Variants in ABHD16A observed in about 807,000 individuals in gnomAD.
ABHD16A encodes the protein abhydrolase domain containing 16A, phospholipase.
In ABHD16A, 47 loss-of-function variants were observed where a neutral mutation model predicts 89.8. The observed-to-expected ratio is 0.52, with a 90% CI of 0.41 to 0.67. The LOEUF is 0.67. ABHD16A is among the 30% of genes least tolerant of loss of function. The pLI is 0.00. For synonymous variants in ABHD16A, 251 were observed against 280.4 expected (o/e 0.90, Z 1.05); for missense variants, 580 against 734.6 (o/e 0.79, Z 2.43).
At chr6:31,701,241 T>C in intron 3 of ABHD16A, 33 bp downstream of exon 3, 2 of 1,594,444 alleles carry the variant, frequency 1.3e-6, no homozygotes, top group Non-Finnish European at 1.7e-6. Context: ...ACCTGCCCAT[T>C]TGCTACCCCA....
intron 12 of ABHD16A, 61 bp downstream of exon 12, chr6:31,689,520 C>G: frequency 2.0e-6 from 3 of 1,473,942 alleles, no homozygotes; most frequent in Non-Finnish European, 2.7e-6. Flanking sequence ...CCCACCTCTC[C>G]CGGGTGGGGC....
In ABHD16A at chr6:31,701,389, A is replaced by ACC. The variant is rs202234873; in HGVS notation, c.190-51_190-50dup. 4.4e-6 allele frequency: 5 copies of ACC among 1,134,298 alleles called. No homozygotes were observed. The Admixed American group carries it at 8.4e-5, about 19-fold the overall frequency. 70.3% of individuals were successfully genotyped at this position (1,134,298 alleles called of 1,614,324 possible). ...GCAATCAATACACACACACACACACACCTGCCATTCCAGGCATATACTATA... is the reference window on the plus strand; with the variant it reads ...GCAATCAATACACACACACACACACACCCCTGCCATTCCAGGCATATACTATA... On this transcript the variant is annotated intron_variant, in intron 2 of 19. Coordinates refer to ENST00000395952, the MANE Select transcript of ABHD16A (RefSeq NM_021160.3).
At chr6:31,696,660 G>T (rs1049806916) in intron 5 of ABHD16A, among the ~76,000 whole-genome samples, 2 of 151,720 alleles carry the variant, frequency 1.3e-5, no homozygotes, top group Non-Finnish European at 2.9e-5. Context: ...AAAGAAAAAA[G>T]AAACATTGTG....
chr6:31,694,789 C>T (rs921438565), intron 5 of ABHD16A, among the ~76,000 whole-genome samples: 1 of 152,032 alleles, frequency 6.6e-6, no homozygotes, highest in African/African-American at 2.4e-5. Context: ...AATTTTTTGA[C>T]ATTTCAAAAA....
intron 5 of ABHD16A, among the ~76,000 whole-genome samples, chr6:31,694,115 G>A (rs530287284): frequency 2.0e-5 from 3 of 151,102 alleles, no homozygotes; most frequent in Non-Finnish European, 4.4e-5. Flanking sequence ...AATGCAGTTG[G>A]TGCAATCATA....
chr6:31,692,504 A>G (rs978035805), intron 7 of ABHD16A, among the ~76,000 whole-genome samples: 3 of 152,144 alleles, frequency 2.0e-5, no homozygotes, highest in African/African-American at 7.2e-5. Flanking sequence ...AGTACCCACG[A>G]CTGAGCTTTA....
intron 4 of ABHD16A, among the ~76,000 whole-genome samples, chr6:31,699,883 AC>A (rs1804765081): frequency 6.6e-6 from 1 of 152,050 alleles, no homozygotes; most frequent in African/African-American, 2.4e-5. Context: ...AGCTGGGATT[AC>A]AGGTGCTCAC....
Position 31,698,643 on chromosome 6 carries a change from G to A in ABHD16A, c.344-1610C>T, listed in dbSNP as rs1804619641. On this transcript the variant is annotated intron_variant, in intron 4 of 19. Coordinates refer to ENST00000395952, the MANE Select transcript of ABHD16A (RefSeq NM_021160.3). This position sits in a 1 kb window ranked among gnomAD's most constrained non-coding sequence, Gnocchi z 4.1. ...TGGGATTACAAGCGCCCGCCACCAT[G>A]CACAGCTAATTTTTTCTGTATTTTT... Among the ~76,000 whole-genome samples, 1 of 151,848 alleles carries A rather than the reference G, an allele frequency of 6.6e-6. No homozygotes were observed. The highest frequency in any genetic ancestry group is 2.4e-5 in the African/African-American group (1 of 41,310).
chr6:31,689,001 G>C lies in ABHD16A; in HGVS notation c.1186+14C>G, dbSNP rs1214449502. 5.0e-6 allele frequency: 8 copies of C among 1,606,494 alleles called. No individual in the cohort carries two copies. Among genetic ancestry groups the C allele is most frequent in the Non-Finnish European group, 6.8e-6 (8 of 1,174,456 alleles). ...CCCCTTCCCAGGAAGGGCAGGCCTG[G>C]GAGCTGCACTCACTCCAGCTGTCTG... On this transcript the variant is annotated intron_variant, in intron 13 of 19. Transcript: ENST00000395952.
rs777193146 is a variant in ABHD16A, at chr6:31,687,531, A to G, written c.1560T>C (p.Ser520=). The G allele has an allele frequency of 1.2e-6, 2 of 1,612,900 alleles. No individual in the cohort carries two copies. The highest frequency in any genetic ancestry group is 1.7e-6 in the Non-Finnish European group (2 of 1,179,948). ...AAGCCAGCTGCCGCCGTCCATCTGC[A>G]CTCATGTCCTCCCCTGCAGAGAGGA... ...DFPWSVGEDM[S]ADGRRQLALF... The change falls in exon 19 of 20, where the codon AGT becomes AGC. Residue 520 remains serine (S), a synonymous_variant. Transcript: ENST00000395952. This position sits in a 1 kb window ranked among gnomAD's most constrained non-coding sequence, Gnocchi z 6.3.
rs1804573573 is a variant in ABHD16A, at chr6:31,698,174, A to C, written c.344-1141T>G. ...ATTTTTTAACCCTTGAAAACTCTGA[A>C]ATTAGAATTCATTTTACAATTGATG... On this transcript the variant is annotated intron_variant, in intron 4 of 19. Coordinates refer to ENST00000395952, the MANE Select transcript of ABHD16A (RefSeq NM_021160.3). This position sits in a 1 kb window ranked among gnomAD's most constrained non-coding sequence, Gnocchi z 4.1. 1.3e-5 allele frequency among the ~76,000 whole-genome samples: 2 copies of C among 152,070 alleles called. No individual in the cohort carries two copies. Among genetic ancestry groups the C allele is most frequent in the South Asian group, 4.1e-4 (2 of 4,834 alleles).
At position 31,703,218 on chromosome 6, in the gene ABHD16A, A is replaced by G; in HGVS notation, c.64T>C (p.Ser22Pro). 6.9e-7 allele frequency: 1 copy of G among 1,445,438 alleles called. No homozygotes were observed. Among genetic ancestry groups the G allele is most frequent in the Non-Finnish European group, 9.2e-7 (1 of 1,089,712 alleles). 89.5% of individuals were successfully genotyped at this position (1,445,438 alleles called of 1,614,324 possible). A position where few individuals can be genotyped will look rare whatever the true frequency, so the allele number is the denominator to read the frequency against. ...RLYKIYRERDSERAPASVPET... is the reference protein window; with the variant it reads ...RLYKIYRERDPERAPASVPET... ...GGGACGCTGGCCGGGGCCCTTTCAGAGTCCCTCTCCCGGTAGATTTTGTAG... is the reference window on the plus strand; with the variant it reads ...GGGACGCTGGCCGGGGCCCTTTCAGGGTCCCTCTCCCGGTAGATTTTGTAG... The change falls in exon 1 of 20, where the codon TCT becomes CCT. Residue 22 changes from serine to proline, a missense_variant. Around this residue, in one of 2 missense-constraint regions of ABHD16A, gnomAD observed 165 missense variants for 165.8 expected, o/e 1.00. Coordinates refer to ENST00000395952, the MANE Select transcript of ABHD16A (RefSeq NM_021160.3).
intron 9 of ABHD16A, 23 bp downstream of exon 9, chr6:31,691,556 C>G (rs1434489211): frequency 6.2e-7 from 1 of 1,611,518 alleles, no homozygotes; most frequent in Non-Finnish European, 8.5e-7. Flanking sequence ...CACCCCACCT[C>G]TGGGCTCTCT....
rs1373226837 is a variant in ABHD16A, at chr6:31,690,520, G to A, written c.907+19C>T. On this transcript the variant is annotated intron_variant, in intron 10 of 19. Transcript: ENST00000395952. This position sits in a 1 kb window ranked among gnomAD's most constrained non-coding sequence, Gnocchi z 4.1. ...CCCTTTCAAAGGGCGGAGATAAGGA[G>A]GCTGAGTCACCGTCCTACCTTCCAG... 4.3e-6 allele frequency: 7 copies of A among 1,612,332 alleles called. No homozygotes were observed. Among genetic ancestry groups the A allele is most frequent in the Non-Finnish European group, 5.9e-6 (7 of 1,179,472 alleles).
Position 31,687,369 on chromosome 6 carries a change from C to A in ABHD16A, c.1594-74G>T, listed in dbSNP as rs1289618233. 46 of 1,594,060 alleles carry A rather than the reference C, an allele frequency of 2.9e-5. No individual in the cohort carries two copies. Among genetic ancestry groups the A allele is most frequent in the Non-Finnish European group, 3.8e-5 (44 of 1,163,540 alleles). On this transcript the variant is annotated intron_variant, in intron 19 of 19. Coordinates refer to ENST00000395952, the MANE Select transcript of ABHD16A (RefSeq NM_021160.3). The surrounding 1 kb of genome is among the most constrained non-coding windows in gnomAD (Gnocchi z 6.3). ...GGCAGCCACTGGACTCCCTCCCCAC[C>A]CTCCACTTCCGCATCCACCACCCAC...
Position 31,687,064 on chromosome 6 carries a change from T to A in ABHD16A, c.*148A>T. On this transcript the variant is annotated 3_prime_UTR_variant, in exon 20 of 20. Coordinates refer to ENST00000395952, the MANE Select transcript of ABHD16A (RefSeq NM_021160.3). The surrounding 1 kb of genome is among the most constrained non-coding windows in gnomAD (Gnocchi z 6.3). ...ACAGCCACATGAATGAGGGGAAACGTGCAAGAGGAACAGTGGTGAGAAGGG... is the reference window on the plus strand; with the variant it reads ...ACAGCCACATGAATGAGGGGAAACGAGCAAGAGGAACAGTGGTGAGAAGGG... The A allele has an allele frequency of 1.4e-6, 1 of 722,454 alleles. No individual in the cohort carries two copies. The highest frequency in any genetic ancestry group is 2.3e-6 in the Non-Finnish European group (1 of 430,322). The allele number at this position is 722,454 out of a possible 1,614,324, so 44.8% of individuals were successfully genotyped here.
intron 4 of ABHD16A, among the ~76,000 whole-genome samples, chr6:31,699,746 GTATTT>G (rs1285848218): frequency 2.0e-5 from 3 of 151,074 alleles, no homozygotes; most frequent in Admixed American, 6.6e-5. Context: ...TTAATTTTTT[GTATTT>G]TATTTTTTCT....
In ABHD16A at chr6:31,687,180, C is replaced by G. The variant is rs779706751; in HGVS notation, c.*32G>C. On this transcript the variant is annotated 3_prime_UTR_variant, in exon 20 of 20. Coordinates refer to ENST00000395952, the MANE Select transcript of ABHD16A (RefSeq NM_021160.3). The surrounding 1 kb of genome is among the most constrained non-coding windows in gnomAD (Gnocchi z 6.3). Reference sequence around the variant, plus strand: ...GGTCTTTCCTCATGTCTCCTCTCACCCCATTCTTCCATAATGAGTCCCAGT... The same window carrying G: ...GGTCTTTCCTCATGTCTCCTCTCACGCCATTCTTCCATAATGAGTCCCAGT... The G allele has an allele frequency of 1.3e-6, 2 of 1,578,516 alleles. No homozygotes were observed. The highest frequency in any genetic ancestry group is 1.7e-6 in the Non-Finnish European group (2 of 1,150,164).
chr6:31,700,360 G>A (rs1055667164), intron 4 of ABHD16A, among the ~76,000 whole-genome samples: 1 of 152,038 alleles, frequency 6.6e-6, no homozygotes, highest in African/African-American at 2.4e-5. Context: ...TCCTGACCTC[G>A]TGATCCACTG....
Sources: gnomAD v4.1 joint callset for allele counts (sites outside exome capture counted in the v4.1 genomes callset) on GRCh38, gnomAD v4.1.1 for gene constraint, gnomAD v4.1.1 regional missense constraint, Gnocchi (gnomAD v3.1) non-coding constraint, MANE v1.5 for transcripts, NCBI Gene and HGNC (gene_info 2026-07-23, HGNC 2026-07-21) for gene names.